TMBIM1: variants seen among roughly 807,000 people sequenced by gnomAD.
TMBIM1 encodes the protein transmembrane BAX inhibitor motif containing 1.
Under a neutral mutation model 45.1 loss-of-function variants are expected in TMBIM1, and 34 were observed. The observed-to-expected ratio is 0.75, with a 90% confidence interval of 0.57 to 1.00. The LOEUF (loss-of-function observed/expected upper bound fraction) is 1.00, where lower values mean the gene tolerates loss of function less well. Among genes scored for constraint, TMBIM1 ranks in the 50% least tolerant of loss-of-function variants. The probability of loss-of-function intolerance (pLI) is 0.00; values close to 1 mark genes in which losing one functional copy is unlikely to be tolerated. For missense variants in TMBIM1, 374 were observed against 402.4 expected, an observed-to-expected ratio of 0.93 and a Z score of 0.60; for synonymous variants, 157 against 153.5, an observed-to-expected ratio of 1.02 and a Z score of -0.17.
intron 1 of TMBIM1, among the ~76,000 whole-genome samples, chr2:218,287,773 C>T (rs907994040): frequency 2.6e-5 from 4 of 152,186 alleles, no homozygotes; most frequent in Non-Finnish European, 5.9e-5. Context: ...CTCCCAGCCC[C>T]CTCTCTAGCC....
At chr2:218,288,054 A>G (rs1403301887) in intron 1 of TMBIM1, among the ~76,000 whole-genome samples, 1 of 152,212 alleles carries the variant, frequency 6.6e-6, no homozygotes, top group African/African-American at 2.4e-5. Context: ...TCTTTGTTTC[A>G]TCTCCTGTCT....
At chr2:218,280,505 G>A (rs1371391314) in intron 2 of TMBIM1, 1 of 272,140 alleles carries the variant, frequency 3.7e-6, no homozygotes, top group Non-Finnish European at 7.3e-6. Flanking sequence ...GAAAAGGAGG[G>A]CGGCAGAGCG....
rs1383905198 is a variant in TMBIM1 at position 218,274,590 on chromosome 2, GTC to G, written c.*883_*884del. ...CAGGCATTCTCCCTGCCCGCACCGA[GTC>G]TCTCTTCACCCTGGCTACTTCCTGG... On this transcript the variant is annotated 3_prime_UTR_variant, in exon 12 of 12. Coordinates refer to ENST00000258412, the MANE Select transcript of TMBIM1 (RefSeq NM_022152.6). 6.4e-6 allele frequency: 1 copy of G among 155,312 alleles called. No individual in the cohort carries two copies. The highest frequency in any genetic ancestry group is 1.9e-4 in the East Asian group (1 of 5,338). The allele number at this position is 155,312 out of a possible 1,614,324, so 9.6% of individuals were successfully genotyped here. A position where few individuals can be genotyped will look rare whatever the true frequency, so the allele number is the denominator to read the frequency against.
Position 218,282,083 on chromosome 2 carries a change from G to C in TMBIM1, c.59C>G (p.Pro20Arg). The change falls in exon 2 of 12, where the codon CCT becomes CGT. Residue 20 changes from proline to arginine, a missense_variant. By Grantham distance (103) the Pro-to-Arg change is moderately radical. Coordinates refer to ENST00000258412, the MANE Select transcript of TMBIM1 (RefSeq NM_022152.6). ...CTGCCCATAGCCCCCAGGGGGCGGA[G>C]GGCCTGGGTACAGGGGGTTGCGGTC... is the stretch of plus-strand genomic sequence containing the variant. Reference protein sequence around the residue: ...YEDRNPLYPGPPPPGGYGQPS... With the variant: ...YEDRNPLYPGRPPPGGYGQPS... 1.3e-6 allele frequency: 2 copies of C among 1,588,606 alleles called. No homozygotes were observed. The highest frequency in any genetic ancestry group is 1.7e-6 in the Non-Finnish European group (2 of 1,168,306).
At chr2:218,288,836 C>T (rs1340314203) in intron 1 of TMBIM1, among the ~76,000 whole-genome samples, 2 of 152,004 alleles carry the variant, frequency 1.3e-5, no homozygotes, top group South Asian at 2.1e-4. Context: ...AGGAAATTGT[C>T]AAAATGGTCC....
chr2:218,291,830 G>A (rs1438506933), intron 1 of TMBIM1, among the ~76,000 whole-genome samples: 1 of 152,214 alleles, frequency 6.6e-6, no homozygotes, highest in Non-Finnish European at 1.5e-5. Flanking sequence ...GGGAAACAGT[G>A]GCTGGAAGTG....
At position 218,292,463 on chromosome 2, in the gene TMBIM1, T is replaced by A. The variant is rs1025916037; in HGVS notation, c.-41+3A>T. 2 of 152,198 alleles carry A rather than the reference T, an allele frequency of 1.3e-5. No homozygotes were observed. The highest frequency in any genetic ancestry group is 2.9e-5 in the Non-Finnish European group (2 of 68,080). The allele number at this position is 152,198 out of a possible 1,614,324, so 9.4% of individuals were successfully genotyped here. A position where few individuals can be genotyped will look rare whatever the true frequency, so the allele number is the denominator to read the frequency against. ...CGGCGCCGGCCCCGGCCCCCTGGCT[T>A]GCCTGCGCCGTTCCAGACGGAGCGT... On this transcript the variant is annotated splice_donor_region_variant and intron_variant, in intron 1 of 11. Coordinates refer to ENST00000258412, the MANE Select transcript of TMBIM1 (RefSeq NM_022152.6).
At chr2:218,287,018 C>A (rs930664901) in intron 1 of TMBIM1, among the ~76,000 whole-genome samples, 3 of 152,110 alleles carry the variant, frequency 2.0e-5, no homozygotes, top group African/African-American at 7.2e-5. Context: ...ACCTCATAGC[C>A]ACGAGAGCAA....
At chr2:218,289,391 C>T (rs999198887) in intron 1 of TMBIM1, among the ~76,000 whole-genome samples, 5 of 152,094 alleles carry the variant, frequency 3.3e-5, no homozygotes, top group Non-Finnish European at 5.9e-5. Context: ...CCTGTAATCC[C>T]AGCACTTTGG....
At chr2:218,281,910 C>T in intron 2 of TMBIM1, 30 bp downstream of exon 2, 1 of 1,549,524 alleles carries the variant, frequency 6.5e-7, no homozygotes, top group African/African-American at 1.4e-5. Context: ...TCCCTCCCAC[C>T]CACCTTCCAT....
intron 6 of TMBIM1, 117 bp downstream of exon 6, chr2:218,278,398 C>T: frequency 9.3e-7 from 1 of 1,076,968 alleles, no homozygotes; most frequent in South Asian, 1.3e-5. Flanking sequence ...TCATCCTCCT[C>T]CTCATTTCTT....
chr2:218,278,457 TCGGC>T (rs1402188376), intron 6 of TMBIM1, 54 bp downstream of exon 6: 188 of 1,544,326 alleles, frequency 1.2e-4, no homozygotes, highest in Non-Finnish European at 4.5e-6. Context: ...TCCAAAATAC[TCGGC>T]CCCCATCCCA....
intron 2 of TMBIM1, among the ~76,000 whole-genome samples, chr2:218,281,467 T>C (rs1357974715): frequency 6.6e-6 from 1 of 152,202 alleles, no homozygotes; most frequent in Non-Finnish European, 1.5e-5. Context: ...CACAAGCATG[T>C]CCCTGCCATG....
Position 218,275,524 on chromosome 2 carries a change from A to C in TMBIM1, c.887T>G (p.Ile296Ser). 1 of 1,614,160 alleles carries C rather than the reference A, an allele frequency of 6.2e-7. No individual in the cohort carries two copies. The highest frequency in any genetic ancestry group is 2.2e-5 in the East Asian group (1 of 44,880). Reference sequence around the variant, plus strand: ...CAGCACAAAGGTGAAGATGTAGATGATGTCTGTGTAAATCTGCAGGGCGCC... The same window carrying C: ...CAGCACAAAGGTGAAGATGTAGATGCTGTCTGTGTAAATCTGCAGGGCGCC... ...ITGALQIYTD[I>S]IYIFTFVLQL... Residue 296 changes from isoleucine (I) to serine (S), a missense_variant, in exon 12 of 12, where the codon ATC (isoleucine) becomes AGC (serine). Physicochemically the swap from Ile to Ser is moderately radical, Grantham distance 142 (BLOSUM62 -2). Coordinates refer to ENST00000258412, the MANE Select transcript of TMBIM1 (RefSeq NM_022152.6).
At chr2:218,279,576 C>T (rs1007747522) in intron 3 of TMBIM1, 26 of 521,174 alleles carry the variant, frequency 5.0e-5, no homozygotes, top group African/African-American at 2.5e-4. Flanking sequence ...ACACCAGCCT[C>T]GGTGACTACT....
intron 1 of TMBIM1, among the ~76,000 whole-genome samples, chr2:218,291,233 G>C (rs1050772130): frequency 6.6e-6 from 1 of 152,154 alleles, no homozygotes; most frequent in Admixed American, 6.5e-5. Context: ...CAGAAAGACA[G>C]GGCCCCTGAC....
Position 218,277,359 on chromosome 2 carries a change from C to T in TMBIM1, c.639+7G>A. ...GGGGGCCAGGGAAGGGCCCTCCATG[C>T]CCTCACCTTGGTCTGAAAGCAGAAG... is the stretch of plus-strand genomic sequence containing the variant. On this transcript the variant is annotated splice_region_variant and intron_variant, in intron 9 of 11. Transcript: ENST00000258412. The T allele has an allele frequency of 6.2e-7, 1 of 1,613,756 alleles. No homozygotes were observed. The highest frequency in any genetic ancestry group is 8.5e-7 in the Non-Finnish European group (1 of 1,179,708).
In TMBIM1 at chr2:218,277,384, G is replaced by T. The variant is rs1392374570; in HGVS notation, c.621C>A (p.Ile207=). 3 of 1,614,058 alleles carry T rather than the reference G, an allele frequency of 1.9e-6. No homozygotes were observed. The highest frequency in any genetic ancestry group is 2.5e-6 in the Non-Finnish European group (3 of 1,180,034). ...CCCTCACCTTGGTCTGAAAGCAGAA[G>T]ATGGTGACTGAAATGGATACCACCG... ...ITAVVSISVT[I]FCFQTKVDFT... Residue 207 remains isoleucine, a synonymous_variant, in exon 9 of 12, where the codon ATC becomes ATA. Transcript: ENST00000258412.
At chr2:218,277,190 C>T in intron 9 of TMBIM1, 91 bp from the exon 10 acceptor site, 7 of 1,239,142 alleles carry the variant, frequency 5.6e-6, no homozygotes, top group Non-Finnish European at 8.3e-6. Context: ...AGTGCTGCCT[C>T]CTAGGGGGTA....
Sources: allele counts gnomAD v4.1 joint callset (sites outside exome capture counted in the v4.1 genomes callset), GRCh38; gene constraint gnomAD v4.1.1; transcripts MANE v1.5; gene names NCBI Gene and HGNC (gene_info 2026-07-23, HGNC 2026-07-21).